The following LMNB2 variants were observed in gnomAD, a reference collection of about 807,000 sequenced individuals.
LMNB2 encodes lamin-B2.
Under a neutral mutation model 69.3 loss-of-function variants are expected in LMNB2, and 17 were observed. The ratio of observed to expected loss-of-function variants is 0.25; its 90% CI spans 0.17 to 0.37. The LOEUF is 0.37. Among genes scored for constraint, LMNB2 ranks in the 10% least tolerant of loss-of-function variants. LMNB2 has a pLI of 1.00. For missense variants in LMNB2, 789 were observed against 883.6 expected, an observed-to-expected ratio of 0.89 and a Z score of 1.36; for synonymous variants, 397 against 389.3, an observed-to-expected ratio of 1.02 and a Z score of -0.23.
rs767520079 is a variant in LMNB2, at chr19:2,437,971, C to T, written c.684+192G>A. ...AGTATGGACACAGGGGAGGCAGCCG[C>T]GGGAAGACAGAGGCAGACACTGGGG... is the stretch of plus-strand genomic sequence containing the variant. On this transcript the variant is annotated intron_variant, in intron 4 of 11. Coordinates refer to ENST00000325327, the MANE Select transcript of LMNB2 (RefSeq NM_032737.4). 7.2e-5 allele frequency among the ~76,000 whole-genome samples: 11 copies of T among 152,116 alleles called. No individual in the cohort carries two copies. In the East Asian group the frequency reaches 7.7e-4, roughly 11 times the overall value.
intron 1 of LMNB2, among the ~76,000 whole-genome samples, chr19:2,450,103 T>A (rs1972002936): frequency 7.6e-6 from 1 of 131,430 alleles, no homozygotes; most frequent in Middle Eastern, 3.5e-3. Context: ...TACATATACA[T>A]ATACATATAT....
rs755132760 is a variant in LMNB2 at position 2,431,813 on chromosome 19, G to T, written c.1680C>A (p.Phe560Leu). 6.2e-7 allele frequency: 1 copy of T among 1,613,820 alleles called. No individual in the cohort carries two copies. The highest frequency in any genetic ancestry group is 2.2e-5 in the East Asian group (1 of 44,868). The change falls in exon 10 of 12, where the codon TTC (phenylalanine) becomes TTA (leucine). Residue 560 changes from phenylalanine (F) to leucine (L), a missense_variant. By Grantham distance (22) the Phe-to-Leu change is conservative. Transcript: ENST00000325327. ...GQSSWGTGES[F>L]RTVLVNADGE... ...CATCCGCGTTAACCAGGACGGTGCG[G>T]AAGCTCTCGCCCGTGCCCCAGCTGC...
At chr19:2,448,340 G>A (rs759949195) in intron 1 of LMNB2, among the ~76,000 whole-genome samples, 1 of 152,198 alleles carries the variant, frequency 6.6e-6, no homozygotes, top group African/African-American at 2.4e-5. Context: ...TCACACACGA[G>A]CTCTCCTGTC....
At chr19:2,439,877 G>C (rs1354676706) in intron 2 of LMNB2, among the ~76,000 whole-genome samples, 3 of 151,942 alleles carry the variant, frequency 2.0e-5, no homozygotes, top group Non-Finnish European at 4.4e-5. Flanking sequence ...GGGATTACAG[G>C]CATGCGCCAC....
At chr19:2,440,104 G>T (rs11879351) in intron 2 of LMNB2, among the ~76,000 whole-genome samples, 4,629 of 146,990 alleles carry the variant, frequency 0.031, 254 homozygotes, top group African/African-American at 0.11. Context: ...GAAAGTGACC[G>T]TATGTCTGTC....
In LMNB2 at chr19:2,431,956, T is replaced by C. The variant is rs907913378; in HGVS notation, c.1591-54A>G. 1.0e-5 allele frequency: 16 copies of C among 1,565,370 alleles called. No homozygotes were observed. In the African/African-American group the frequency reaches 2.0e-4, roughly 20 times the overall value. On this transcript the variant is annotated intron_variant, in intron 9 of 11. Coordinates refer to ENST00000325327, the MANE Select transcript of LMNB2 (RefSeq NM_032737.4). Reference sequence around the variant, plus strand: ...AGGGTCACCTCTGGTTCCAGGGACGTGGGCCAGCCAGTGGCCCCTACCACA... The same window carrying C: ...AGGGTCACCTCTGGTTCCAGGGACGCGGGCCAGCCAGTGGCCCCTACCACA...
rs1307549816 is a variant in LMNB2, at chr19:2,453,958, C to A, written c.264+2712G>T. On this transcript the variant is annotated intron_variant, in intron 1 of 11. Coordinates refer to ENST00000325327, the MANE Select transcript of LMNB2 (RefSeq NM_032737.4). The surrounding 1 kb of genome is among the most constrained non-coding windows in gnomAD (Gnocchi z 4.4). ...CTGGACAGATGGCAAGATGGAGGCT[C>A]CAAGAGACACAGGGGCCTGCCCAAA... Among the ~76,000 whole-genome samples the A allele has an allele frequency of 6.6e-6, 1 of 152,180 alleles. No homozygotes were observed. Among genetic ancestry groups the A allele is most frequent in the Non-Finnish European group, 1.5e-5 (1 of 68,036 alleles).
chr19:2,434,939 C>G (rs779589357), intron 5 of LMNB2, 26 bp from the exon 6 acceptor site: 4 of 1,590,516 alleles, frequency 2.5e-6, no homozygotes, highest in East Asian at 2.3e-5. Flanking sequence ...CGGGTGAGTG[C>G]GGGCGCGGGG....
chr19:2,437,899 C>T (rs1224864954), intron 4 of LMNB2, among the ~76,000 whole-genome samples: 1 of 152,150 alleles, frequency 6.6e-6, no homozygotes, highest in Non-Finnish European at 1.5e-5. Flanking sequence ...CTGGATGATC[C>T]AGGCAGGCCC....
intron 1 of LMNB2, among the ~76,000 whole-genome samples, chr19:2,445,647 G>A (rs1420428252): frequency 6.0e-5 from 6 of 99,880 alleles, no homozygotes; most frequent in Admixed American, 1.2e-4. Flanking sequence ...TGCAGTCAGA[G>A]TCCCCAGCTC....
rs796887570 is a variant in LMNB2 at position 2,440,192 on chromosome 19, C to CT, written c.402-1662dup. Among the ~76,000 whole-genome samples, 847 of 140,036 alleles carry CT rather than the reference C, an allele frequency of 6.0e-3. 4 individuals carry two copies. The highest frequency in any genetic ancestry group is 0.014 in the African/African-American group (531 of 38,274). 91.9% of individuals were successfully genotyped at this position (140,036 alleles called of 152,430 possible). A position where few individuals can be genotyped will look rare whatever the true frequency, so the allele number is the denominator to read the frequency against. ...ATATCAATTCTACAGATGGCTGTATCTTTTTTTTTTTTTTTGAGATGGAGT... is the reference window on the plus strand; with the variant it reads ...ATATCAATTCTACAGATGGCTGTATCTTTTTTTTTTTTTTTTGAGATGGAGT... On this transcript the variant is annotated intron_variant, in intron 2 of 11. Coordinates refer to ENST00000325327, the MANE Select transcript of LMNB2 (RefSeq NM_032737.4).
chr19:2,454,469 CAAGT>C (rs1376297317), intron 1 of LMNB2, among the ~76,000 whole-genome samples: 1 of 152,004 alleles, frequency 6.6e-6, no homozygotes, highest in African/African-American at 2.4e-5. Context: ...GCCCCACACA[CAAGT>C]AAGAGGTGGG....
Position 2,444,487 on chromosome 19 carries a change from G to T in LMNB2, c.318C>A (p.Val106=), listed in dbSNP as rs1314823944. The T allele has an allele frequency of 6.2e-7, 1 of 1,613,354 alleles. No individual in the cohort carries two copies. The change falls in exon 2 of 12, where the codon GTC becomes GTA. Residue 106 remains valine, a synonymous_variant. Transcript: ENST00000325327. ...YESELADARR[V]LDETARERAR... is the part of the protein sequence containing the mutation. Reference sequence around the variant, plus strand: ...CACGCTCTCGAGCCGTCTCATCCAGGACTCTCCGGGCATCGGCCAGCTCCG... The same window carrying T: ...CACGCTCTCGAGCCGTCTCATCCAGTACTCTCCGGGCATCGGCCAGCTCCG...
chr19:2,433,180 C>T (rs1218003301), intron 8 of LMNB2, among the ~76,000 whole-genome samples: 10 of 99,456 alleles, frequency 1.0e-4, no homozygotes, highest in Admixed American at 1.9e-4. Context: ...CCCCATGCCC[C>T]GGTCTTTCCG....
chr19:2,434,850 G>T lies in LMNB2; in HGVS notation c.919C>A (p.Leu307Met). Residue 307 changes from leucine (L) to methionine (M), a missense_variant, in exon 6 of 12, where the codon CTG becomes ATG. Leu to Met is a conservative substitution (Grantham distance 15). This residue lies in a region of LMNB2 where 609 missense variants were observed against 630.9 expected (regional missense o/e 0.97). Transcript: ENST00000325327. ...TCCAGGCGCATGCGGGCCTCCTTCAGCTCCTCGCGAGCCGCACTGGCCGCC... is the reference window on the plus strand; with the variant it reads ...TCCAGGCGCATGCGGGCCTCCTTCATCTCCTCGCGAGCCGCACTGGCCGCC... Reference protein sequence around the residue: ...DKAASAAREELKEARMRLESL... With the variant: ...DKAASAAREEMKEARMRLESL... The T allele has an allele frequency of 6.2e-7, 1 of 1,608,294 alleles. No homozygotes were observed.
At position 2,447,854 on chromosome 19, in the gene LMNB2, C is replaced by T. The variant is rs1274861328; in HGVS notation, c.265-3314G>A. ...AGCCTCAAACCAACGCATGCTGGGC[C>T]ATCTGGACAAGTCAGAGTCTCAGGC... On this transcript the variant is annotated intron_variant, in intron 1 of 11. Coordinates refer to ENST00000325327, the MANE Select transcript of LMNB2 (RefSeq NM_032737.4). The surrounding 1 kb of genome is among the most constrained non-coding windows in gnomAD (Gnocchi z 4.4). 6.6e-6 allele frequency among the ~76,000 whole-genome samples: 1 copy of T among 152,210 alleles called. No individual in the cohort carries two copies. Among genetic ancestry groups the T allele is most frequent in the East Asian group, 1.9e-4 (1 of 5,192 alleles).
intron 2 of LMNB2, among the ~76,000 whole-genome samples, chr19:2,440,355 T>C (rs1971883709): frequency 6.6e-6 from 1 of 151,920 alleles, no homozygotes; most frequent in South Asian, 2.1e-4. Context: ...CACGCCCAGA[T>C]AATTTTGTAT....
chr19:2,431,601 C>T lies in LMNB2; in HGVS notation c.1768G>A (p.Glu590Lys). Residue 590 changes from glutamate to lysine, a missense_variant, in exon 11 of 12, where the codon GAG becomes AAG. This residue lies in a region of LMNB2 where 609 missense variants were observed against 630.9 expected (regional missense o/e 0.97). Coordinates refer to ENST00000325327, the MANE Select transcript of LMNB2 (RefSeq NM_032737.4). ...AACTCGGCTTCCTCCTCCTCTTCCT[C>T]CCCATTCTCATTCTCACGCATCACC... Reference protein sequence around the residue: ...SSVMRENENGEEEEEEAEFGE... With the variant: ...SSVMRENENGKEEEEEAEFGE... 4 of 1,614,160 alleles carry T rather than the reference C, an allele frequency of 2.5e-6. No individual in the cohort carries two copies. Among genetic ancestry groups the T allele is most frequent in the Non-Finnish European group, 3.4e-6 (4 of 1,179,994 alleles).
rs746627716 is a variant in LMNB2, at chr19:2,431,759, A to AC, written c.1710+23dup. ...ACCCTGCCCAGGACTCCAGCCGAGCACCCCCCAAGCCACACACACCCACCT... is the reference window on the plus strand; with the variant it reads ...ACCCTGCCCAGGACTCCAGCCGAGCACCCCCCCAAGCCACACACACCCACCT... On this transcript the variant is annotated intron_variant, in intron 10 of 11. Coordinates refer to ENST00000325327, the MANE Select transcript of LMNB2 (RefSeq NM_032737.4). 38 of 1,611,914 alleles carry AC rather than the reference A, an allele frequency of 2.4e-5. No individual in the cohort carries two copies. The African/African-American group carries it at 4.2e-4, about 18-fold the overall frequency.
Sources: gnomAD v4.1 joint callset for allele counts (sites outside exome capture counted in the v4.1 genomes callset) on GRCh38, gnomAD v4.1.1 for gene constraint, gnomAD v4.1.1 regional missense constraint, Gnocchi (gnomAD v3.1) non-coding constraint, MANE v1.5 for transcripts, NCBI Gene and HGNC (gene_info 2026-07-23, HGNC 2026-07-21) for gene names.